MAST4: variants seen among roughly 807,000 people sequenced by gnomAD.
The protein encoded by MAST4 is microtubule-associated serine/threonine-protein kinase 4.
MAST4 carries 89 observed loss-of-function variants against 162.7 expected under a neutral mutation model. The ratio of observed to expected loss-of-function variants is 0.55; its 90% CI spans 0.46 to 0.65. MAST4 has a LOEUF of 0.65. Among genes scored for constraint, MAST4 ranks in the 30% least tolerant of loss-of-function variants. The pLI, the probability that MAST4 is intolerant of heterozygous loss-of-function variation, is 0.00. For missense variants in MAST4, 3,153 were observed against 3,374.0 expected, an observed-to-expected ratio of 0.93 and a Z score of 1.62; for synonymous variants, 1,479 against 1,361.1, an observed-to-expected ratio of 1.09 and a Z score of -1.91.
At chr5:66,963,339 T>C (rs928686363) in intron 4 of MAST4, among the ~76,000 whole-genome samples, 1 of 152,168 alleles carries the variant, frequency 6.6e-6, no homozygotes, top group African/African-American at 2.4e-5. Flanking sequence ...CTACGATATT[T>C]CACCTAAATT....
Position 67,130,245 on chromosome 5 carries a change from A to G in MAST4, c.1781A>G (p.Gln594Arg). The G allele has an allele frequency of 6.2e-7, 1 of 1,613,616 alleles. No individual in the cohort carries two copies. The highest frequency in any genetic ancestry group is 8.5e-7 in the Non-Finnish European group (1 of 1,179,700). ...TTTGTTCGGCATAAAGAATCCCGGC[A>G]GAGGTTTGCCATGAAGAAGATTAAT... is the stretch of plus-strand genomic sequence containing the variant. ...VYFVRHKESR[Q>R]RFAMKKINKQ... Residue 594 changes from glutamine to arginine, a missense_variant, in exon 15 of 29, where the codon CAG (glutamine) becomes CGG (arginine). Gln to Arg is a conservative substitution (Grantham distance 43, BLOSUM62 1). This residue lies in a region of MAST4 where 360 missense variants were observed against 450.0 expected (regional missense o/e 0.80). Transcript: ENST00000403625.
At chr5:66,780,954 C>A (rs1754843698) in intron 2 of MAST4, among the ~76,000 whole-genome samples, 1 of 152,232 alleles carries the variant, frequency 6.6e-6, no homozygotes, top group Non-Finnish European at 1.5e-5. Flanking sequence ...GCTGGCTTCA[C>A]CTCTCAATAC....
At chr5:66,723,873 T>C (rs1751359480) in intron 1 of MAST4, among the ~76,000 whole-genome samples, 1 of 152,164 alleles carries the variant, frequency 6.6e-6, no homozygotes, top group African/African-American at 2.4e-5. Flanking sequence ...TTCAGTCTCA[T>C]TTGTAGGAAG....
At position 66,616,879 on chromosome 5, in the gene MAST4, CT is replaced by C. The variant is rs1327923388; in HGVS notation, c.363+19862del. 2.0e-5 allele frequency among the ~76,000 whole-genome samples: 3 copies of C among 152,332 alleles called. No homozygotes were observed. In the South Asian group the frequency reaches 6.2e-4, roughly 32 times the overall value. On this transcript the variant is annotated intron_variant, in intron 1 of 28. Transcript: ENST00000403625. Reference sequence around the variant, plus strand: ...TAAGTTTCCCTGACAGCACTGCTTGCTGGCAGCTCTTCTCTACAATTGGTTG... The same window carrying C: ...TAAGTTTCCCTGACAGCACTGCTTGCGGCAGCTCTTCTCTACAATTGGTTG...
intron 16 of MAST4, among the ~76,000 whole-genome samples, chr5:67,132,875 G>A (rs944037682): frequency 1.3e-5 from 2 of 151,894 alleles, no homozygotes; most frequent in African/African-American, 4.8e-5. Context: ...AAAATTTTGG[G>A]ATATTTCCAT....
intron 1 of MAST4, among the ~76,000 whole-genome samples, chr5:66,749,304 C>A (rs778652587): frequency 2.2e-4 from 33 of 152,126 alleles, no homozygotes; most frequent in Non-Finnish European, 4.1e-4. Flanking sequence ...CCTGGCAATT[C>A]CCACTGGGGC....
chr5:66,649,190 G>A (rs1315797279), intron 1 of MAST4, among the ~76,000 whole-genome samples: 1 of 152,122 alleles, frequency 6.6e-6, no homozygotes, highest in Non-Finnish European at 1.5e-5. Context: ...TTTGTAGAGA[G>A]TACTTGTGTA....
chr5:66,826,003 A>G (rs1017135505), intron 3 of MAST4, among the ~76,000 whole-genome samples: 1 of 152,214 alleles, frequency 6.6e-6, no homozygotes, highest in Non-Finnish European at 1.5e-5. Flanking sequence ...CATCATTTGA[A>G]GTTTTTATTG....
intron 1 of MAST4, among the ~76,000 whole-genome samples, chr5:66,625,154 T>C (rs1185161431): frequency 1.3e-5 from 2 of 152,164 alleles, no homozygotes; most frequent in Non-Finnish European, 2.9e-5. Flanking sequence ...TTGGCCTTAT[T>C]GTTCCTTTCC....
intron 4 of MAST4, among the ~76,000 whole-genome samples, chr5:66,999,651 A>G (rs1362648436): frequency 6.6e-6 from 1 of 151,140 alleles, no homozygotes; most frequent in African/African-American, 2.4e-5. Flanking sequence ...TGCTCAACCC[A>G]TCAGGAAATA....
chr5:66,837,305 A>G (rs1219185794), intron 3 of MAST4, among the ~76,000 whole-genome samples: 1 of 152,208 alleles, frequency 6.6e-6, no homozygotes, highest in Admixed American at 6.5e-5. Flanking sequence ...CTAAAATAAC[A>G]TGAAAATGTA....
At chr5:66,780,590 GA>G (rs1754821679) in intron 2 of MAST4, among the ~76,000 whole-genome samples, 1 of 152,188 alleles carries the variant, frequency 6.6e-6, no homozygotes, top group Non-Finnish European at 1.5e-5. Context: ...AAGAGTGAAA[GA>G]ACAAAGCTTC....
chr5:66,845,225 C>T (rs1474253619), intron 3 of MAST4, among the ~76,000 whole-genome samples: 3 of 146,406 alleles, frequency 2.0e-5, no homozygotes, highest in Admixed American at 7.1e-5. Flanking sequence ...CCCATTAACT[C>T]GTCATTTACA....
chr5:67,090,117 T>TA (rs1234932074), intron 5 of MAST4, 45 bp from the exon 6 acceptor site: 4 of 1,288,940 alleles, frequency 3.1e-6, no homozygotes, highest in Non-Finnish European at 3.4e-6. Flanking sequence ...GTGGAAATGA[T>TA]ACACAAAATC....
chr5:67,134,397 T>C (rs1026550012), intron 17 of MAST4, 126 bp from the exon 18 acceptor site: 2 of 633,552 alleles, frequency 3.2e-6, no homozygotes, highest in Non-Finnish European at 5.1e-6. Context: ...CTTAAGTTCT[T>C]TGTCCATGTG....
intron 1 of MAST4, among the ~76,000 whole-genome samples, chr5:66,654,471 A>G (rs1468791296): frequency 1.3e-5 from 2 of 152,222 alleles, no homozygotes; most frequent in African/African-American, 4.8e-5. Flanking sequence ...GAAGATGAGG[A>G]CAGAGCTACA....
intron 4 of MAST4, among the ~76,000 whole-genome samples, chr5:66,938,538 A>G (rs1242176759): frequency 6.6e-6 from 1 of 152,212 alleles, no homozygotes; most frequent in Non-Finnish European, 1.5e-5. Context: ...GGAGTTGGGC[A>G]AAGGTCCACC....
chr5:67,008,510 T>A (rs530253248), intron 4 of MAST4, among the ~76,000 whole-genome samples: 4 of 152,350 alleles, frequency 2.6e-5, no homozygotes, highest in Admixed American at 2.6e-4. Flanking sequence ...AAGTTTTGAG[T>A]TGGGCCTTTA....
At chr5:66,948,974 A>G (rs1020642647) in intron 4 of MAST4, among the ~76,000 whole-genome samples, 9 of 152,152 alleles carry the variant, frequency 5.9e-5, no homozygotes, top group African/African-American at 2.2e-4. Flanking sequence ...TTTTGAAAAC[A>G]TTGCATAAAG....
Sources: allele counts gnomAD v4.1 joint callset (sites outside exome capture counted in the v4.1 genomes callset), GRCh38; gene constraint gnomAD v4.1.1; regional missense constraint gnomAD v4.1.1; transcripts MANE v1.5; gene names NCBI Gene and HGNC (gene_info 2026-07-23, HGNC 2026-07-21).